Variants in NECAB2 observed in about 807,000 individuals in gnomAD.
The protein encoded by NECAB2 is N-terminal EF-hand calcium binding protein 2, also known as N-terminal EF-hand calcium-binding protein 2.
A neutral mutation model predicts 51.9 loss-of-function variants in NECAB2; 68 were observed. That is an observed-to-expected ratio of 1.31 (90% CI 1.08 to 1.60). NECAB2 has a LOEUF of 1.60. Ranked by LOEUF, NECAB2 falls within the 40% of genes most tolerant of loss-of-function variation. The pLI is 0.00. For synonymous variants in NECAB2, 329 were observed against 203.5 expected (o/e 1.62, Z -5.25); for missense variants, 854 against 490.3 (o/e 1.74, Z -7.00).
intron 5 of NECAB2, among the ~76,000 whole-genome samples, chr16:83,982,905 C>T (rs1597207222): frequency 6.6e-6 from 1 of 151,048 alleles, no homozygotes; most frequent in South Asian, 2.1e-4. Flanking sequence ...GAGTCTCACT[C>T]TTGTCCAGGC....
chr16:84,000,053 GT>G (rs201968912), intron 10 of NECAB2, among the ~76,000 whole-genome samples: 3 of 123,760 alleles, frequency 2.4e-5, no homozygotes, highest in Non-Finnish European at 4.5e-5. Context: ...GGCCCAGCAA[GT>G]TTTATTTTTT....
chr16:83,965,383 T>C, upstream of NECAB2: 1 of 1,573,450 alleles, frequency 6.4e-7, no homozygotes, highest in Non-Finnish European at 8.6e-7. Flanking sequence ...ATGAGCTGTC[T>C]GCCCTGGAGG....
chr16:83,992,260 C>A (rs2084635319), intron 6 of NECAB2, among the ~76,000 whole-genome samples: 1 of 151,962 alleles, frequency 6.6e-6, no homozygotes, highest in Non-Finnish European at 1.5e-5. Context: ...CATGGGAATG[C>A]ATCTGGGGTC....
At position 84,002,574 on chromosome 16, in the gene NECAB2, C is replaced by T. The variant is rs559695119; in HGVS notation, c.*228C>T. 137 of 607,868 alleles carry T rather than the reference C, an allele frequency of 2.3e-4. 2 individuals carry two copies. Among genetic ancestry groups the T allele is most frequent in the South Asian group, 1.0e-3 (51 of 50,790 alleles). 37.7% of individuals were successfully genotyped at this position (607,868 alleles called of 1,614,324 possible). A position where few individuals can be genotyped will look rare whatever the true frequency, so the allele number is the denominator to read the frequency against. On this transcript the variant is annotated 3_prime_UTR_variant, in exon 13 of 13. Coordinates refer to ENST00000305202, the MANE Select transcript of NECAB2 (RefSeq NM_019065.3). ...TGGTGAAGCCCAAGGTTGAAGGGGG[C>T]GGCTTCCTGGAGCCAGCACCCCTGC...
chr16:83,972,061 G>A, intron 1 of NECAB2, 90 bp from the exon 2 acceptor site: 1 of 1,560,480 alleles, frequency 6.4e-7, no homozygotes, highest in Non-Finnish European at 8.8e-7. Flanking sequence ...GCTCCTGGGA[G>A]AAGAGAAGGA....
chr16:84,000,768 A>C lies in NECAB2; in HGVS notation c.1007A>C (p.Tyr336Ser). The part of the protein sequence containing the change: ...RLSDGFTFVI[Y>S]EFWETEEAWK... ...TCAGATGGCTTCACCTTTGTCATCT[A>C]TGAGTTCTGGGAGACAGAGGAGGCG... Residue 336 changes from tyrosine to serine, a missense_variant, in exon 11 of 13, where the codon TAT becomes TCT. Transcript: ENST00000305202. 1.2e-6 allele frequency: 2 copies of C among 1,613,824 alleles called. No individual in the cohort carries two copies. Among genetic ancestry groups the C allele is most frequent in the Non-Finnish European group, 1.7e-6 (2 of 1,179,986 alleles).
chr16:83,969,594 C>G (rs978016344), intron 1 of NECAB2, among the ~76,000 whole-genome samples: 30 of 152,206 alleles, frequency 2.0e-4, no homozygotes, highest in African/African-American at 7.0e-4. Flanking sequence ...CCCCTGGGAC[C>G]CAAATCACCC....
chr16:83,997,436 C>T lies in NECAB2; in HGVS notation c.849+167C>T, dbSNP rs139948427. Among the ~76,000 whole-genome samples the T allele has an allele frequency of 4.8e-3, 719 of 151,122 alleles. 6 individuals are homozygous for T. Among genetic ancestry groups the T allele is most frequent in the South Asian group, 0.032 (153 of 4,778 alleles). On this transcript the variant is annotated intron_variant, in intron 9 of 12. Transcript: ENST00000305202. ...CCCAGACCCTGCCCTGGCACAGGAG[C>T]CACCCCACCAACTCCGGGGGTATTT... is the stretch of plus-strand genomic sequence containing the variant.
Position 84,000,753 on chromosome 16 carries a change from T to G in NECAB2, c.992T>G (p.Phe331Cys), listed in dbSNP as rs1346827551. The change falls in exon 11 of 13, where the codon TTC becomes TGC. Residue 331 changes from phenylalanine (F) to cysteine (C), a missense_variant. Transcript: ENST00000305202. The part of the protein sequence containing the change: ...HITAVRLSDG[F>C]TFVIYEFWET... The stretch of plus-strand genomic sequence containing the variant: ...ACTGCCGTGAGGCTCTCAGATGGCT[T>G]CACCTTTGTCATCTATGAGTTCTGG... The G allele has an allele frequency of 1.9e-6, 3 of 1,613,888 alleles. No individual in the cohort carries two copies. The highest frequency in any genetic ancestry group is 2.5e-6 in the Non-Finnish European group (3 of 1,179,970).
rs999928464 is a variant in NECAB2 at position 84,000,861 on chromosome 16, T to C, written c.1040+60T>C. 4 of 1,549,300 alleles carry C rather than the reference T, an allele frequency of 2.6e-6. No individual in the cohort carries two copies. In the Admixed American group the frequency reaches 6.7e-5, roughly 26 times the overall value. On this transcript the variant is annotated intron_variant, in intron 11 of 12. Transcript: ENST00000305202. Reference sequence around the variant, plus strand: ...ACAGAGGGAAGTGGGGGGGCTGTCTTCCTGGAGCCAGGCATCCTTGGAGGG... The same window carrying C: ...ACAGAGGGAAGTGGGGGGGCTGTCTCCCTGGAGCCAGGCATCCTTGGAGGG...
At chr16:83,995,822 G>T (rs1423409457) in intron 8 of NECAB2, among the ~76,000 whole-genome samples, 2 of 152,226 alleles carry the variant, frequency 1.3e-5, no homozygotes, top group East Asian at 3.9e-4. Flanking sequence ...TGAGGCTGAG[G>T]TGGAGTTACC....
chr16:83,973,137 T>C (rs2084367020), intron 2 of NECAB2, among the ~76,000 whole-genome samples: 1 of 152,182 alleles, frequency 6.6e-6, no homozygotes, highest in Non-Finnish European at 1.5e-5. Flanking sequence ...GCACATCAAG[T>C]ACCAAGCCTG....
chr16:83,972,365 T>C (rs998197676), intron 2 of NECAB2, among the ~76,000 whole-genome samples, 190 bp downstream of exon 2: 3 of 152,210 alleles, frequency 2.0e-5, no homozygotes, highest in Non-Finnish European at 4.4e-5. Context: ...ACGGGAATCC[T>C]AGTAGGGCCT....
At chr16:83,972,243 C>T in intron 2 of NECAB2, 68 bp downstream of exon 2, 3 of 1,607,834 alleles carry the variant, frequency 1.9e-6, no homozygotes, top group African/African-American at 1.3e-5. Flanking sequence ...GGGAAGGGAT[C>T]AGGGATAGGA....
rs1302599750 is a variant in NECAB2 at position 83,968,579 on chromosome 16, T to G, written c.-70T>G. ...CGGCGCGGGCAGCGCGGGGAGGGGG[T>G]CGCGCGGGGGCGGGCCGCAGCTGGG... is the stretch of plus-strand genomic sequence containing the variant. On this transcript the variant is annotated 5_prime_UTR_variant, in exon 1 of 13. Coordinates refer to ENST00000305202, the MANE Select transcript of NECAB2 (RefSeq NM_019065.3). 8 of 958,900 alleles carry G rather than the reference T, an allele frequency of 8.3e-6. No individual in the cohort carries two copies. The highest frequency in any genetic ancestry group is 5.3e-4 in the Middle Eastern group (1 of 1,894). 59.4% of individuals were successfully genotyped at this position (958,900 alleles called of 1,614,324 possible).
chr16:83,973,853 G>A (rs1281483394), intron 2 of NECAB2, among the ~76,000 whole-genome samples: 1 of 152,148 alleles, frequency 6.6e-6, no homozygotes, highest in Non-Finnish European at 1.5e-5. Context: ...TCCAGCGTGG[G>A]CCTCTAGCCA....
At chr16:83,972,930 G>A (rs553534596) in intron 2 of NECAB2, among the ~76,000 whole-genome samples, 38 of 152,208 alleles carry the variant, frequency 2.5e-4, no homozygotes, top group Non-Finnish European at 4.8e-4. Flanking sequence ...TATTACAGTT[G>A]CAACGCAACT....
At chr16:83,990,110 C>A (rs374845784) in intron 5 of NECAB2, among the ~76,000 whole-genome samples, 1 of 152,210 alleles carries the variant, frequency 6.6e-6, no homozygotes, top group Admixed American at 6.5e-5. Flanking sequence ...GCCACCATCA[C>A]CGTCATCTAT....
Position 83,981,078 on chromosome 16 carries a change from T to A in NECAB2, c.410T>A (p.Leu137Gln). The A allele has an allele frequency of 6.2e-7, 1 of 1,614,194 alleles. No homozygotes were observed. The highest frequency in any genetic ancestry group is 8.5e-7 in the Non-Finnish European group (1 of 1,180,022). Residue 137 changes from leucine to glutamine, a missense_variant, in exon 5 of 13, where the codon CTG (leucine) becomes CAG (glutamine). By Grantham distance (113) the Leu-to-Gln change is moderately radical. Transcript: ENST00000305202. ...MGDYEDVLAS[L>Q]ETLNHSVLKA... ...GACTATGAGGATGTCCTGGCCTCCCTGGAGACCTTGAATCACTCTGTCCTG... is the reference window on the plus strand; with the variant it reads ...GACTATGAGGATGTCCTGGCCTCCCAGGAGACCTTGAATCACTCTGTCCTG...
Sources: allele counts gnomAD v4.1 joint callset (sites outside exome capture counted in the v4.1 genomes callset), GRCh38; gene constraint gnomAD v4.1.1; transcripts MANE v1.5; gene names NCBI Gene and HGNC (gene_info 2026-07-23, HGNC 2026-07-21).